Variants in DNAJA4 observed in about 807,000 individuals in gnomAD.
DNAJA4 encodes the protein dnaJ homolog subfamily A member 4.
DNAJA4 carries 32 observed loss-of-function variants against 39.7 expected under a neutral mutation model. That is an observed-to-expected ratio of 0.81 (90% CI 0.61 to 1.08). The LOEUF is 1.08. DNAJA4 is among the 50% of genes least tolerant of loss of function. The pLI is 0.00. For synonymous variants in DNAJA4, 184 were observed against 182.4 expected (o/e 1.01, Z -0.07); for missense variants, 439 against 505.1 (o/e 0.87, Z 1.25).
In DNAJA4 at chr15:78,280,415, G is replaced by C. The variant is rs768014727; in HGVS notation, c.1149G>C (p.Glu383Asp). Residue 383 changes from glutamate to aspartate, a missense_variant, in exon 7 of 7, where the codon GAG becomes GAC. Physicochemically the swap from Glu to Asp is conservative, Grantham distance 45 (BLOSUM62 2). Coordinates refer to ENST00000394852, the MANE Select transcript of DNAJA4 (RefSeq NM_001130182.2). ...NWRQHREAYEEDEDGPQAGVQ... is the reference protein window; with the variant it reads ...NWRQHREAYEDDEDGPQAGVQ... ...GTCAGCACAGGGAGGCCTACGAGGA[G>C]GACGAAGACGGGCCCCAGGCTGGAG... The C allele has an allele frequency of 6.8e-6, 11 of 1,613,640 alleles. No homozygotes were observed. Among genetic ancestry groups the C allele is most frequent in the African/African-American group, 2.7e-5 (2 of 74,958 alleles).
chr15:78,270,699 T>A (rs769439889), intron 2 of DNAJA4, 22 bp downstream of exon 2: 1 of 1,607,200 alleles, frequency 6.2e-7, no homozygotes, highest in South Asian at 1.1e-5. Context: ...TAAAGAAACA[T>A]AAATAAGTTG....
chr15:78,266,381 A>T, intron 1 of DNAJA4: 1 of 1,187,572 alleles, frequency 8.4e-7, no homozygotes, highest in Non-Finnish European at 1.2e-6. Flanking sequence ...CTTGACCTGT[A>T]CTACATATGT....
At chr15:78,273,325 A>G (rs931613433) in intron 3 of DNAJA4, 126 bp downstream of exon 3, 2 of 669,640 alleles carry the variant, frequency 3.0e-6, no homozygotes, top group East Asian at 2.9e-5. Flanking sequence ...AGAGATTACA[A>G]ACAGGTGGCC....
intron 3 of DNAJA4, 136 bp from the exon 4 acceptor site, chr15:78,274,061 G>GT (rs199951789): frequency 0.012 from 8,652 of 749,158 alleles, 86 homozygotes; most frequent in Non-Finnish European, 0.014. Flanking sequence ...CTTCTGCATT[G>GT]TTTTTTATTA....
Position 78,276,146 on chromosome 15 carries a change from A to G in DNAJA4, c.877+418A>G, listed in dbSNP as rs544055775. ...TAGATGAATTCTGGCAATTAAACTTAAGTTTTTAAAAATTTATTTTTGTAT... is the reference window on the plus strand; with the variant it reads ...TAGATGAATTCTGGCAATTAAACTTGAGTTTTTAAAAATTTATTTTTGTAT... On this transcript the variant is annotated intron_variant, in intron 5 of 6. Transcript: ENST00000394852. Among the ~76,000 whole-genome samples the G allele has an allele frequency of 2.0e-5, 3 of 152,286 alleles. No individual in the cohort carries two copies. In the East Asian group the frequency reaches 5.8e-4, roughly 29 times the overall value.
At chr15:78,277,622 C>G (rs1174663850) in intron 5 of DNAJA4, among the ~76,000 whole-genome samples, 1 of 152,138 alleles carries the variant, frequency 6.6e-6, no homozygotes, top group East Asian at 1.9e-4. Context: ...CAGATCCTAG[C>G]CCTCCTGAGC....
chr15:78,264,904 C>T lies in DNAJA4; in HGVS notation c.132+9C>T, dbSNP rs201591824. On this transcript the variant is annotated intron_variant, in intron 1 of 6. Coordinates refer to ENST00000394852, the MANE Select transcript of DNAJA4 (RefSeq NM_001130182.2). Reference sequence around the variant, plus strand: ...CGGATGAGGGCGAGAAGGTGCGGGGCGGCGCGGGGCACGGGCCGGGCTCCC... The same window carrying T: ...CGGATGAGGGCGAGAAGGTGCGGGGTGGCGCGGGGCACGGGCCGGGCTCCC... 6 of 1,582,314 alleles carry T rather than the reference C, an allele frequency of 3.8e-6. No individual in the cohort carries two copies. The highest frequency in any genetic ancestry group is 4.7e-5 in the East Asian group (2 of 42,858).
At chr15:78,273,011 A>G (rs940351444) in intron 2 of DNAJA4, 84 bp from the exon 3 acceptor site, 40 of 822,840 alleles carry the variant, frequency 4.9e-5, no homozygotes, top group Non-Finnish European at 7.6e-5. Flanking sequence ...TGGAGACTTC[A>G]TACAACTAAG....
rs775232790 is a variant in DNAJA4 at position 78,280,306 on chromosome 15, TC to T, written c.1043del (p.Pro348LeufsTer6). ...LEKLPQLEALLPPRQKVRITD... is the reference protein window; with the variant it reads ...LEKLPQLEALXPPRQKVRITD... The stretch of plus-strand genomic sequence containing the variant: ...AAGCTTCCTCAGCTGGAAGCTTTAC[TC>T]CCTCCTCGACAGAAAGTGAGGATTA... On this transcript the variant is annotated frameshift_variant, in exon 7 of 7. Transcript: ENST00000394852. LOFTEE classifies it high-confidence loss of function. 6.2e-7 allele frequency: 1 copy of T among 1,614,244 alleles called. No homozygotes were observed. The highest frequency in any genetic ancestry group is 1.1e-5 in the South Asian group (1 of 91,088).
At position 78,280,774 on chromosome 15, in the gene DNAJA4, A is replaced by G. The variant is rs2049633559; in HGVS notation, c.*314A>G. 1 of 254,436 alleles carries G rather than the reference A, an allele frequency of 3.9e-6. No homozygotes were observed. Among genetic ancestry groups the G allele is most frequent in the African/African-American group, 2.3e-5 (1 of 44,384 alleles). 15.8% of individuals were successfully genotyped at this position (254,436 alleles called of 1,614,324 possible). A position where few individuals can be genotyped will look rare whatever the true frequency, so the allele number is the denominator to read the frequency against. On this transcript the variant is annotated 3_prime_UTR_variant, in exon 7 of 7. Transcript: ENST00000394852. ...TTTGTGCTTCTAGTGGCTTTGCCAT[A>G]ATTCAGTGTCACCAATAAGGCACAG...
In DNAJA4 at chr15:78,281,986, A is replaced by G. The variant is rs893047066; in HGVS notation, c.*1526A>G. ...TCCAACGAAGCCTAGGTGAAAATCT[A>G]TTTATAAATGGACCACAACTCTGGG... On this transcript the variant is annotated 3_prime_UTR_variant, in exon 7 of 7. Coordinates refer to ENST00000394852, the MANE Select transcript of DNAJA4 (RefSeq NM_001130182.2). The G allele has an allele frequency of 4.6e-5, 7 of 152,238 alleles. No homozygotes were observed. In the South Asian group the frequency reaches 6.2e-4, roughly 14 times the overall value. 9.4% of individuals were successfully genotyped at this position (152,238 alleles called of 1,614,324 possible). A position where few individuals can be genotyped will look rare whatever the true frequency, so the allele number is the denominator to read the frequency against.
chr15:78,270,753 C>G (rs1369036150), intron 2 of DNAJA4, 76 bp downstream of exon 2: 3 of 1,510,100 alleles, frequency 2.0e-6, no homozygotes, highest in East Asian at 2.3e-5. Context: ...CAGGATAGAT[C>G]ATGCTTTAAA....
chr15:78,269,470 A>T (rs28605144), intron 1 of DNAJA4, among the ~76,000 whole-genome samples: 38 of 152,046 alleles, frequency 2.5e-4, no homozygotes, highest in African/African-American at 8.7e-4. Flanking sequence ...TAGCTTTACC[A>T]GTTATAAATA....
At position 78,264,653 on chromosome 15, in the gene DNAJA4, G is replaced by A. The variant is rs2049066786; in HGVS notation, c.-111G>A. The stretch of plus-strand genomic sequence containing the variant: ...GGCGGCGGCGGCGGCGACCGTGACC[G>A]TGACGCGCGAGCGGGCGGCGGGGGC... On this transcript the variant is annotated 5_prime_UTR_variant, in exon 1 of 7. It adds an upstream start codon to the 5' untranslated region. Transcript: ENST00000394852. 9.8e-7 allele frequency: 1 copy of A among 1,018,778 alleles called. No homozygotes were observed. Among genetic ancestry groups the A allele is most frequent in the Non-Finnish European group, 1.2e-6 (1 of 852,812 alleles). 63.1% of individuals were successfully genotyped at this position (1,018,778 alleles called of 1,614,324 possible). A position where few individuals can be genotyped will look rare whatever the true frequency, so the allele number is the denominator to read the frequency against.
chr15:78,274,432 T>C lies in DNAJA4; in HGVS notation c.646+8T>C. 6.2e-7 allele frequency: 1 copy of C among 1,612,744 alleles called. No homozygotes were observed. Among genetic ancestry groups the C allele is most frequent in the Non-Finnish European group, 8.5e-7 (1 of 1,179,178 alleles). On this transcript the variant is annotated splice_region_variant and intron_variant, in intron 4 of 6. Coordinates refer to ENST00000394852, the MANE Select transcript of DNAJA4 (RefSeq NM_001130182.2). Reference sequence around the variant, plus strand: ...AGGTACATGTTGAAAAAGGTGAGGCTGCGCAGAGCTGGTGCTCCACACGGG... The same window carrying C: ...AGGTACATGTTGAAAAAGGTGAGGCCGCGCAGAGCTGGTGCTCCACACGGG...
intron 5 of DNAJA4, among the ~76,000 whole-genome samples, chr15:78,277,259 G>A (rs190456476): frequency 4.6e-5 from 7 of 152,074 alleles, no homozygotes; most frequent in Admixed American, 1.3e-4. Flanking sequence ...ATCTCAGCTC[G>A]CTGTAACCTC....
intron 4 of DNAJA4, chr15:78,274,756 C>A (rs1276617508): frequency 2.8e-6 from 1 of 362,476 alleles, no homozygotes. Flanking sequence ...CCTCTAGAAT[C>A]TTTCGGAGTG....
chr15:78,268,986 A>C (rs980535321), intron 1 of DNAJA4, among the ~76,000 whole-genome samples: 1 of 152,208 alleles, frequency 6.6e-6, no homozygotes, highest in African/African-American at 2.4e-5. Context: ...CTGTGAGCTA[A>C]GGCTGGAAAG....
chr15:78,270,266 T>C, intron 1 of DNAJA4: 3 of 461,374 alleles, frequency 6.5e-6, no homozygotes, highest in Non-Finnish European at 1.2e-5. Context: ...TCTCCCTTAT[T>C]CTTATCGTGT....
Sources: gnomAD v4.1 joint callset for allele counts (sites outside exome capture counted in the v4.1 genomes callset) on GRCh38, gnomAD v4.1.1 for gene constraint, MANE v1.5 for transcripts, NCBI Gene and HGNC (gene_info 2026-07-23, HGNC 2026-07-21) for gene names.